MBD5: variants seen among roughly 807,000 people sequenced by gnomAD.
MBD5 encodes methyl-CpG-binding domain protein 5.
In MBD5, 13 loss-of-function variants were observed where a neutral mutation model predicts 117.3. The ratio of observed to expected loss-of-function variants is 0.11; its 90% CI spans 0.07 to 0.18. The LOEUF is 0.18. Among genes scored for constraint, MBD5 ranks in the 10% least tolerant of loss-of-function variants. The probability of loss-of-function intolerance (pLI) is 1.00; values close to 1 mark genes in which losing one functional copy is unlikely to be tolerated. For synonymous variants in MBD5, 727 were observed against 766.4 expected, an observed-to-expected ratio of 0.95 and a Z score of 0.85; for missense variants, 1,879 against 2,093.8, an observed-to-expected ratio of 0.90 and a Z score of 2.00.
chr2:148,114,314 AC>A (rs966342748), intron 1 of MBD5, among the ~76,000 whole-genome samples: 95 of 152,222 alleles, frequency 6.2e-4, no homozygotes, highest in African/African-American at 2.1e-3. Context: ...TACTAAAAAT[AC>A]AGAAATTAGC....
intron 2 of MBD5, among the ~76,000 whole-genome samples, chr2:148,193,057 A>G (rs1318340897): frequency 7.1e-5 from 8 of 112,264 alleles, no homozygotes; most frequent in African/African-American, 2.6e-4. Flanking sequence ...TACAAGGGAC[A>G]TGAAGGACCT....
intron 4 of MBD5, among the ~76,000 whole-genome samples, chr2:148,414,029 TGTTTTTCTA>T (rs1164575420): frequency 6.6e-6 from 1 of 152,028 alleles, no homozygotes; most frequent in Non-Finnish European, 1.5e-5. Flanking sequence ...GGTTTGGTGT[TGTTTTTCTA>T]GTTCTTCTAA....
At chr2:148,120,047 T>A (rs1279571919) in intron 1 of MBD5, among the ~76,000 whole-genome samples, 3 of 151,976 alleles carry the variant, frequency 2.0e-5, no homozygotes, top group African/African-American at 7.3e-5. Flanking sequence ...CCCCTAAGTA[T>A]CTGGGACTAC....
At chr2:148,045,932 G>A (rs1031409518) in intron 1 of MBD5, among the ~76,000 whole-genome samples, 1 of 143,790 alleles carries the variant, frequency 7.0e-6, no homozygotes, top group African/African-American at 2.6e-5. Context: ...TAGTCAAACA[G>A]TTCACCAAGG....
At chr2:148,404,065 T>C (rs1705004204) in intron 4 of MBD5, among the ~76,000 whole-genome samples, 1 of 152,144 alleles carries the variant, frequency 6.6e-6, no homozygotes, top group Admixed American at 6.5e-5. Context: ...CTCTTCATTA[T>C]GTGTTATATT....
intron 1 of MBD5, among the ~76,000 whole-genome samples, chr2:148,090,596 A>G (rs543958884): frequency 6.6e-6 from 1 of 152,286 alleles, no homozygotes; most frequent in African/African-American, 2.4e-5. Flanking sequence ...CAAAAATTAT[A>G]TGATTATTTC....
Position 148,483,177 on chromosome 2 carries a change from A to T in MBD5, c.2586A>T (p.Thr862=). The T allele has an allele frequency of 6.2e-7, 1 of 1,613,588 alleles. No individual in the cohort carries two copies. Among genetic ancestry groups the T allele is most frequent in the Non-Finnish European group, 8.5e-7 (1 of 1,179,936 alleles). ...ACCACCCTGCCATCACAAAGACAAC[A>T]TCTGTTCTTCAAGATGGCGTCATAG... The part of the protein sequence containing the change: ...GTNHPAITKT[T]SVLQDGVIVT... Residue 862 remains threonine (T), a synonymous_variant, in exon 9 of 14, where the codon ACA becomes ACT. Coordinates refer to ENST00000642680, the MANE Select transcript of MBD5 (RefSeq NM_001378120.1).
At chr2:148,199,582 T>C (rs2105946302) in intron 2 of MBD5, among the ~76,000 whole-genome samples, 1 of 152,152 alleles carries the variant, frequency 6.6e-6, no homozygotes, top group African/African-American at 2.4e-5. Context: ...AGCCTGGGCA[T>C]GATGGTGAAA....
chr2:148,262,738 C>T (rs552760544), intron 3 of MBD5, among the ~76,000 whole-genome samples: 2 of 152,314 alleles, frequency 1.3e-5, no homozygotes, highest in Admixed American at 6.5e-5. Flanking sequence ...TACACTGTCT[C>T]TTCCTCCCAG....
chr2:148,516,443 T>C lies in MBD5; in HGVS notation c.*3502T>C, dbSNP rs1021992930. The C allele has an allele frequency of 6.6e-6, 1 of 152,212 alleles. No individual in the cohort carries two copies. The highest frequency in any genetic ancestry group is 6.5e-5 in the Admixed American group (1 of 15,282). 9.4% of individuals were successfully genotyped at this position (152,212 alleles called of 1,614,324 possible). On this transcript the variant is annotated 3_prime_UTR_variant, in exon 14 of 14. Transcript: ENST00000642680. ...ACTCAAGACTTTTCAATGTAGTATA[T>C]CAAATGAGTTGTGCATTGATTCATT... is the stretch of plus-strand genomic sequence containing the variant.
chr2:148,031,096 G>A (rs1270682962), intron 1 of MBD5, among the ~76,000 whole-genome samples: 2 of 152,048 alleles, frequency 1.3e-5, no homozygotes, highest in East Asian at 3.9e-4. Context: ...GGAATAAGAT[G>A]AACTTTATTA....
chr2:148,216,114 G>A (rs569444355), intron 2 of MBD5, among the ~76,000 whole-genome samples: 1 of 152,164 alleles, frequency 6.6e-6, no homozygotes, highest in Non-Finnish European at 1.5e-5. Context: ...TAATGCAATT[G>A]GAAGGTGGGA....
rs1041603523 is a variant in MBD5, at chr2:148,490,738, A to G, written c.4962+144A>G. Reference sequence around the variant, plus strand: ...GAGGTCTCACAAGCTTCTGGAGCATAAAATGAAGAGGGGATGGTTATAGTC... The same window carrying G: ...GAGGTCTCACAAGCTTCTGGAGCATGAAATGAAGAGGGGATGGTTATAGTC... On this transcript the variant is annotated intron_variant, in intron 11 of 13. Transcript: ENST00000642680. The G allele has an allele frequency of 1.1e-5, 11 of 996,210 alleles. No individual in the cohort carries two copies. In the Admixed American group the frequency reaches 2.5e-4, roughly 23 times the overall value. The allele number at this position is 996,210 out of a possible 1,614,324, so 61.7% of individuals were successfully genotyped here.
At chr2:148,127,241 T>C (rs1696922844) in intron 1 of MBD5, among the ~76,000 whole-genome samples, 1 of 152,160 alleles carries the variant, frequency 6.6e-6, no homozygotes, top group African/African-American at 2.4e-5. Flanking sequence ...TTCTTCAGCT[T>C]TTATTTCAAG....
chr2:148,464,453 T>C (rs1707195228), intron 7 of MBD5, among the ~76,000 whole-genome samples: 1 of 152,156 alleles, frequency 6.6e-6, no homozygotes, highest in African/African-American at 2.4e-5. Flanking sequence ...ATCCTTCATC[T>C]AAATTTACCA....
chr2:148,134,234 A>AGATAGATC (rs1553475733), intron 1 of MBD5, among the ~76,000 whole-genome samples: 145 of 151,170 alleles, frequency 9.6e-4, no homozygotes, highest in African/African-American at 2.8e-3. Flanking sequence ...ATAGATAGAT[A>AGATAGATC]GATCGATCGA....
intron 1 of MBD5, among the ~76,000 whole-genome samples, chr2:148,156,455 T>C (rs1426716692): frequency 6.6e-6 from 1 of 152,226 alleles, no homozygotes; most frequent in Non-Finnish European, 1.5e-5. Context: ...TATTTGTCCT[T>C]CAAAATTAAT....
chr2:148,410,092 T>C (rs13430177), intron 4 of MBD5, among the ~76,000 whole-genome samples: 8,962 of 152,220 alleles, frequency 0.059, 293 homozygotes, highest in African/African-American at 0.074. Flanking sequence ...GATATGCACA[T>C]TTAAAATTCT....
At chr2:148,436,475 T>C (rs1052004386) in intron 4 of MBD5, among the ~76,000 whole-genome samples, 1 of 152,046 alleles carries the variant, frequency 6.6e-6, no homozygotes, top group Admixed American at 6.6e-5. Context: ...TGGGTTCAAG[T>C]GATTTTCTTG....
Sources: allele counts gnomAD v4.1 joint callset (sites outside exome capture counted in the v4.1 genomes callset), GRCh38; gene constraint gnomAD v4.1.1; transcripts MANE v1.5; gene names NCBI Gene and HGNC (gene_info 2026-07-23, HGNC 2026-07-21).